IKZF1: variants seen among roughly 807,000 people sequenced by gnomAD.
IKZF1 encodes the protein IKAROS family zinc finger 1.
Under a neutral mutation model 51.7 loss-of-function variants are expected in IKZF1, and 10 were observed. The ratio of observed to expected loss-of-function variants is 0.19; its 90% CI spans 0.12 to 0.33. The LOEUF is 0.33. IKZF1 is among the 10% of genes least tolerant of loss of function. The probability of loss-of-function intolerance (pLI) is 1.00; values close to 1 mark genes in which losing one functional copy is unlikely to be tolerated. For missense variants in IKZF1, 484 were observed against 707.5 expected (o/e 0.68, Z 3.58); for synonymous variants, 280 against 282.3 (o/e 0.99, Z 0.08).
At chr7:50,378,275 G>T (rs1271146912) in intron 4 of IKZF1, among the ~76,000 whole-genome samples, 1 of 152,138 alleles carries the variant, frequency 6.6e-6, no homozygotes, top group African/African-American at 2.4e-5. Context: ...AGCAAACTTT[G>T]CTTTTTCTAA....
chr7:50,376,483 GTT>G lies in IKZF1; in HGVS notation c.161-41_161-40del. 1 of 1,359,372 alleles carries G rather than the reference GTT, an allele frequency of 7.4e-7. No homozygotes were observed. The allele number at this position is 1,359,372 out of a possible 1,614,324, so 84.2% of individuals were successfully genotyped here. On this transcript the variant is annotated intron_variant, in intron 3 of 7. Coordinates refer to ENST00000331340, the MANE Select transcript of IKZF1 (RefSeq NM_006060.6). The surrounding 1 kb of genome is among the most constrained non-coding windows in gnomAD (Gnocchi z 4.5). The stretch of plus-strand genomic sequence containing the variant: ...TTTTGCTGCTGTGTTGTTTTGTTGA[GTT>G]TTTTTTTTGCAATGACACTGAGTGG...
chr7:50,339,746 CAAA>C (rs1209744190), intron 3 of IKZF1, among the ~76,000 whole-genome samples: 1 of 122,444 alleles, frequency 8.2e-6, no homozygotes. Context: ...AACTCCTTCT[CAAA>C]AAAAAAAAAA....
At chr7:50,350,765 G>C (rs574611862) in intron 3 of IKZF1, among the ~76,000 whole-genome samples, 2 of 151,670 alleles carry the variant, frequency 1.3e-5, no homozygotes, top group Non-Finnish European at 2.9e-5. Flanking sequence ...TAGATCTTTG[G>C]TATGATTTGT....
At chr7:50,375,989 T>G (rs1810176729) in intron 3 of IKZF1, among the ~76,000 whole-genome samples, 1 of 152,210 alleles carries the variant, frequency 6.6e-6, no homozygotes, top group African/African-American at 2.4e-5. Context: ...TTTACTGAGT[T>G]TTGTCCCAAA....
At position 50,327,761 on chromosome 7, in the gene IKZF1, A is replaced by C; in HGVS notation, c.160+4A>C. The C allele has an allele frequency of 6.2e-7, 1 of 1,609,216 alleles. No individual in the cohort carries two copies. Among genetic ancestry groups the C allele is most frequent in the Non-Finnish European group, 8.5e-7 (1 of 1,177,728 alleles). ...TCCAAGAGTGACAGAGTCGTGGGTA[A>C]GTGGGTCACCAGCGGCCTCTGTGCC... On this transcript the variant is annotated splice_donor_region_variant and intron_variant, in intron 3 of 7. Transcript: ENST00000331340.
intron 3 of IKZF1, among the ~76,000 whole-genome samples, chr7:50,365,733 A>G (rs1208225373): frequency 6.6e-6 from 1 of 152,214 alleles, no homozygotes; most frequent in Non-Finnish European, 1.5e-5. Flanking sequence ...GCAATTCCTC[A>G]AAGACCTATA....
chr7:50,384,794 A>G (rs996170901), intron 5 of IKZF1, among the ~76,000 whole-genome samples: 19 of 152,238 alleles, frequency 1.2e-4, no homozygotes, highest in Admixed American at 1.2e-3. Context: ...GTTGGCAGCA[A>G]TATTGCCTTG....
Position 50,403,725 on chromosome 7 carries a change from C to T in IKZF1, c.*3098C>T. 1 of 228,684 alleles carries T rather than the reference C, an allele frequency of 4.4e-6. No homozygotes were observed. The highest frequency in any genetic ancestry group is 8.7e-6 in the Non-Finnish European group (1 of 115,074). The allele number at this position is 228,684 out of a possible 1,614,324, so 14.2% of individuals were successfully genotyped here. ...TGTTCCATTTCCAATTTAGAATTAG[C>T]CACATAATAAAATCTTAGAATCTTC... On this transcript the variant is annotated 3_prime_UTR_variant, in exon 8 of 8. Transcript: ENST00000331340.
At chr7:50,326,092 TC>T (rs1794934524) in intron 2 of IKZF1, among the ~76,000 whole-genome samples, 1 of 152,246 alleles carries the variant, frequency 6.6e-6, no homozygotes, top group African/African-American at 2.4e-5. Context: ...CTGTGCAGGT[TC>T]TATTTTAAAT....
At chr7:50,396,614 C>A (rs756377717) in intron 7 of IKZF1, among the ~76,000 whole-genome samples, 9 of 152,146 alleles carry the variant, frequency 5.9e-5, no homozygotes, top group African/African-American at 1.2e-4. Flanking sequence ...GTAACCCTGA[C>A]ATTTCTTTTC....
intron 1 of IKZF1, among the ~76,000 whole-genome samples, chr7:50,311,494 A>G (rs1790168277): frequency 6.6e-6 from 1 of 152,196 alleles, no homozygotes; most frequent in Non-Finnish European, 1.5e-5. Context: ...GGTTATTTTT[A>G]ATAAATATAC....
chr7:50,313,898 A>G (rs1356906274), intron 1 of IKZF1, among the ~76,000 whole-genome samples: 4 of 152,258 alleles, frequency 2.6e-5, no homozygotes, highest in Admixed American at 2.0e-4. Context: ...CTTCAATGCC[A>G]GAAACTTAGT....
chr7:50,354,879 G>A (rs151078382), intron 3 of IKZF1, among the ~76,000 whole-genome samples: 69 of 152,264 alleles, frequency 4.5e-4, no homozygotes, highest in East Asian at 2.3e-3. Context: ...ATACTCAAGC[G>A]TAGGATTTCA....
chr7:50,378,963 T>A (rs1471179972), intron 4 of IKZF1, among the ~76,000 whole-genome samples: 1 of 152,266 alleles, frequency 6.6e-6, no homozygotes, highest in African/African-American at 2.4e-5. Flanking sequence ...GAAAAGGTTT[T>A]CATTTTCCTG....
intron 6 of IKZF1, 55 bp downstream of exon 6, chr7:50,387,525 G>A (rs2153488618): frequency 6.4e-7 from 1 of 1,551,494 alleles, no homozygotes; most frequent in South Asian, 1.2e-5. Context: ...AGCACGGTGG[G>A]GAAGGAGGGC....
intron 3 of IKZF1, among the ~76,000 whole-genome samples, chr7:50,343,572 G>C (rs1177564362): frequency 6.6e-6 from 1 of 152,196 alleles, no homozygotes; most frequent in Non-Finnish European, 1.5e-5. Flanking sequence ...GAGATTTGTG[G>C]ACAAGGAGAA....
chr7:50,357,793 C>G (rs1803917725), intron 3 of IKZF1, among the ~76,000 whole-genome samples: 1 of 152,170 alleles, frequency 6.6e-6, no homozygotes, highest in South Asian at 2.1e-4. Flanking sequence ...TAGCTCAGGA[C>G]ACACGGAGTG....
At chr7:50,353,540 A>G (rs1490903796) in intron 3 of IKZF1, among the ~76,000 whole-genome samples, 9 of 152,152 alleles carry the variant, frequency 5.9e-5, no homozygotes, top group African/African-American at 2.2e-4. Flanking sequence ...AGAAGGGCTA[A>G]CCATCCAGGC....
chr7:50,338,700 G>A (rs1161289475), intron 3 of IKZF1, among the ~76,000 whole-genome samples: 2 of 152,196 alleles, frequency 1.3e-5, no homozygotes, highest in African/African-American at 4.8e-5. Context: ...CACAGAACCC[G>A]TTAGACTAAA....
Sources: allele counts gnomAD v4.1 joint callset (sites outside exome capture counted in the v4.1 genomes callset), GRCh38; gene constraint gnomAD v4.1.1; non-coding constraint Gnocchi (gnomAD v3.1); transcripts MANE v1.5; gene names NCBI Gene and HGNC (gene_info 2026-07-23, HGNC 2026-07-21).